Variants in TENM1 observed in about 807,000 individuals in gnomAD.
The protein encoded by TENM1 is teneurin-1.
A neutral mutation model predicts 174.8 loss-of-function variants in TENM1; 35 were observed. The observed-to-expected ratio is 0.20, with a 90% CI of 0.15 to 0.27. TENM1 has a LOEUF of 0.27. TENM1 is among the 10% of genes least tolerant of loss of function. The pLI is 1.00. For synonymous variants in TENM1, 781 were observed against 798.7 expected, an observed-to-expected ratio of 0.98 and a Z score of 0.37; for missense variants, 1,633 against 2,130.1, an observed-to-expected ratio of 0.77 and a Z score of 4.59.
intron 3 of TENM1, among the ~76,000 whole-genome samples, chrX:124,764,614 G>A (rs775750916): frequency 9.2e-6 from 1 of 108,284 alleles, no homozygotes; most frequent in African/African-American, 3.4e-5. Flanking sequence ...ATGTGTTCCA[G>A]TTTCTGCAAA....
At chrX:124,407,532 C>G (rs2060476883) in intron 25 of TENM1, among the ~76,000 whole-genome samples, 1 of 112,321 alleles carries the variant, frequency 8.9e-6, no homozygotes. Context: ...ACTCCCTCCC[C>G]CAACGATTAC....
the TENM1 span, among the ~76,000 whole-genome samples, chrX:125,022,476 C>T: frequency 1.8e-5 from 2 of 111,745 alleles, no homozygotes; most frequent in East Asian, 2.8e-4. Flanking sequence ...TTAAGGTTAA[C>T]TCCTCAGAGG....
chrX:124,757,389 C>T lies in TENM1; in HGVS notation c.536-20192G>A, dbSNP rs1230480615. On this transcript the variant is annotated intron_variant, in intron 3 of 31. Coordinates refer to ENST00000422452, the Ensembl canonical transcript of TENM1. ...GGAAGTGACCCGATTTTCCAGGTGC[C>T]GTCTATCACCCCTTTCTTTGACTAG... is the stretch of plus-strand genomic sequence containing the variant. Among the ~76,000 whole-genome samples the T allele has an allele frequency of 5.3e-5, 6 of 112,419 alleles. No individual in the cohort carries two copies. In the South Asian group the frequency reaches 1.1e-3, roughly 21 times the overall value.
At chrX:124,494,173 T>C (rs778710826) in intron 20 of TENM1, among the ~76,000 whole-genome samples, 1 of 111,949 alleles carries the variant, frequency 8.9e-6, no homozygotes, top group East Asian at 2.8e-4. Flanking sequence ...ACCCAAGACT[T>C]TTCATGTGTT....
chrX:124,507,436 T>C (rs1412573133), intron 18 of TENM1, among the ~76,000 whole-genome samples: 2 of 111,532 alleles, frequency 1.8e-5, no homozygotes, highest in Non-Finnish European at 3.8e-5. Flanking sequence ...ATTGTCTAGA[T>C]AGTCGTGTTA....
chrX:124,920,285 T>C (rs1435818393), intron 1 of TENM1, among the ~76,000 whole-genome samples: 1 of 111,668 alleles, frequency 9.0e-6, no homozygotes, highest in Non-Finnish European at 1.9e-5. Flanking sequence ...ATGTTATATG[T>C]AATGTTTTGC....
exon 2 of TENM1, chrX:124,896,122 C>A: frequency 8.3e-7 from 1 of 1,211,450 alleles, no homozygotes; most frequent in African/African-American, 1.7e-5. Context: ...GAGGCAGCAC[C>A]TTCTGTCTCT....
At chrX:124,750,414 C>A (rs1262540794) in intron 3 of TENM1, among the ~76,000 whole-genome samples, 1 of 111,066 alleles carries the variant, frequency 9.0e-6, no homozygotes, top group Non-Finnish European at 1.9e-5. Flanking sequence ...TTTATTGGTG[C>A]CATGAAAAAA....
intron 3 of TENM1, among the ~76,000 whole-genome samples, chrX:124,841,231 T>G (rs1294326977): frequency 8.9e-6 from 1 of 111,800 alleles, no homozygotes; most frequent in Non-Finnish European, 1.9e-5. Context: ...CCCCATGCCT[T>G]TCTCCTTCAG....
At chrX:125,100,139 T>C in the TENM1 span, among the ~76,000 whole-genome samples, 73 of 111,831 alleles carry the variant, frequency 6.5e-4, no homozygotes, top group Non-Finnish European at 9.8e-4. Context: ...TCTATTGTGT[T>C]ATGTGTGTAT....
chrX:124,491,866 T>C (rs1293677029), intron 20 of TENM1, among the ~76,000 whole-genome samples: 3 of 111,525 alleles, frequency 2.7e-5, no homozygotes, highest in African/African-American at 9.8e-5. Flanking sequence ...TGTGGCCAAA[T>C]ATGAAACAAA....
intron 3 of TENM1, among the ~76,000 whole-genome samples, chrX:124,852,657 G>A (rs748626508): frequency 1.4e-4 from 15 of 110,712 alleles, no homozygotes; most frequent in Admixed American, 9.6e-4. Flanking sequence ...AGTTAGAAAC[G>A]TTCTGGAAAA....
chrX:125,090,001 C>A, the TENM1 span, among the ~76,000 whole-genome samples: 2 of 111,612 alleles, frequency 1.8e-5, no homozygotes, highest in African/African-American at 6.5e-5. Flanking sequence ...ATCCCTGCCC[C>A]TCCTACTCCC....
chrX:125,099,074 C>T, the TENM1 span, among the ~76,000 whole-genome samples: 1 of 112,474 alleles, frequency 8.9e-6, no homozygotes, highest in Non-Finnish European at 1.9e-5. Context: ...AGCTTCATTA[C>T]TTCCTAAGTC....
At chrX:124,457,405 A>G (rs957556219) in intron 22 of TENM1, among the ~76,000 whole-genome samples, 2 of 111,665 alleles carry the variant, frequency 1.8e-5, no homozygotes, top group Non-Finnish European at 3.8e-5. Context: ...TATTCACAAC[A>G]TCCCATGCAA....
At chrX:124,685,849 G>T (rs113776955) in intron 5 of TENM1, among the ~76,000 whole-genome samples, 1 of 111,710 alleles carries the variant, frequency 9.0e-6, no homozygotes, top group Non-Finnish European at 1.9e-5. Context: ...GTGAGCCACC[G>T]TGCCTGGCCT....
intron 3 of TENM1, among the ~76,000 whole-genome samples, chrX:124,832,299 T>C (rs1438888925): frequency 1.8e-5 from 2 of 112,109 alleles, no homozygotes; most frequent in Non-Finnish European, 3.8e-5. Context: ...ATAAATATTG[T>C]TAAGGGAATC....
chrX:125,144,144 A>G, the TENM1 span, among the ~76,000 whole-genome samples: 10 of 111,764 alleles, frequency 8.9e-5, no homozygotes, highest in East Asian at 2.5e-3. Flanking sequence ...CCAACCTTTC[A>G]ATGAATCCAA....
At chrX:124,762,675 C>T (rs766766905) in intron 3 of TENM1, among the ~76,000 whole-genome samples, 1 of 111,604 alleles carries the variant, frequency 9.0e-6, no homozygotes, top group Non-Finnish European at 1.9e-5. Context: ...TCATTCCAAT[C>T]ATCATTCTCA....
Sources: gnomAD v4.1 joint callset for allele counts (sites outside exome capture counted in the v4.1 genomes callset) on GRCh38, gnomAD v4.1.1 for gene constraint, MANE v1.5 for transcripts, NCBI Gene and HGNC (gene_info 2026-07-23, HGNC 2026-07-21) for gene names.